MALRD1: variants seen among roughly 807,000 people sequenced by gnomAD.
MALRD1 encodes the protein MAM and LDL receptor class A domain containing 1, also known as MAM and LDL-receptor class A domain-containing protein 1.
MALRD1 carries 247 observed loss-of-function variants against 242.1 expected under a neutral mutation model. That is an observed-to-expected ratio of 1.02 (90% CI 0.92 to 1.13). MALRD1 has a LOEUF of 1.13. Among genes scored for constraint, MALRD1 ranks in the 50% most tolerant of loss-of-function variants. The pLI is 0.00. For missense variants in MALRD1, 2,989 were observed against 2,533.1 expected (o/e 1.18, Z -3.86); for synonymous variants, 995 against 866.6 (o/e 1.15, Z -2.60).
chr10:19,698,208 A>C (rs1833462163), intron 38 of MALRD1, among the ~76,000 whole-genome samples: 1 of 152,234 alleles, frequency 6.6e-6, no homozygotes, highest in African/African-American at 2.4e-5. Context: ...AATAAAGGGT[A>C]CCATGATCAT....
intron 17 of MALRD1, 67 bp from the exon 18 acceptor site, chr10:19,209,201 A>G: frequency 7.6e-7 from 1 of 1,321,236 alleles, no homozygotes. Flanking sequence ...AATATTAATA[A>G]ATAGAATGTG....
chr10:19,520,588 T>A (rs910182734), intron 31 of MALRD1, among the ~76,000 whole-genome samples: 1 of 152,226 alleles, frequency 6.6e-6, no homozygotes, highest in African/African-American at 2.4e-5. Context: ...CTTAAAAGTT[T>A]TCTGTGAAAA....
chr10:19,218,201 T>A (rs1837406802), intron 18 of MALRD1, among the ~76,000 whole-genome samples: 1 of 152,176 alleles, frequency 6.6e-6, no homozygotes, highest in Admixed American at 6.5e-5. Context: ...TAATTTTCTC[T>A]GTTTTGGCTT....
chr10:19,718,204 GGAAGAA>G (rs928490482), intron 38 of MALRD1, among the ~76,000 whole-genome samples: 7 of 151,212 alleles, frequency 4.6e-5, no homozygotes, highest in African/African-American at 1.7e-4. Flanking sequence ...AAGAAGAAGA[GGAAGAA>G]GAAGAAGAAG....
At chr10:19,081,137 AG>A (rs1835478131) in intron 2 of MALRD1, among the ~76,000 whole-genome samples, 1 of 152,188 alleles carries the variant, frequency 6.6e-6, no homozygotes, top group African/African-American at 2.4e-5. Flanking sequence ...CAGGATGCAG[AG>A]AAAAAGGAAT....
intron 5 of MALRD1, among the ~76,000 whole-genome samples, chr10:19,116,528 A>G (rs1836875689): frequency 6.6e-6 from 1 of 152,160 alleles, no homozygotes; most frequent in African/African-American, 2.4e-5. Context: ...TGGAGTAAAA[A>G]CTGGATGTCA....
intron 36 of MALRD1, among the ~76,000 whole-genome samples, chr10:19,690,640 C>G (rs928895840): frequency 2.0e-5 from 3 of 151,746 alleles, no homozygotes; most frequent in Admixed American, 6.6e-5. Context: ...GTAAAATTAA[C>G]ATAAGAATTA....
chr10:19,190,529 C>T (rs1435987085), intron 14 of MALRD1, among the ~76,000 whole-genome samples: 2 of 151,898 alleles, frequency 1.3e-5, no homozygotes, highest in Non-Finnish European at 2.9e-5. Flanking sequence ...ACACACACAC[C>T]CTGATTTCAA....
intron 36 of MALRD1, among the ~76,000 whole-genome samples, chr10:19,672,305 C>A (rs1286344874): frequency 6.6e-6 from 1 of 150,966 alleles, no homozygotes; most frequent in African/African-American, 2.4e-5. Context: ...ACTACCAGCT[C>A]TTTAGACTCT....
At chr10:19,651,826 A>C (rs556153090) in intron 36 of MALRD1, among the ~76,000 whole-genome samples, 2 of 152,342 alleles carry the variant, frequency 1.3e-5, no homozygotes, top group South Asian at 4.1e-4. Context: ...TCTTAGTTAC[A>C]AGCAACAGAA....
chr10:19,530,440 TATATA>T (rs1834350233), intron 31 of MALRD1, among the ~76,000 whole-genome samples: 1 of 49,524 alleles, frequency 2.0e-5, no homozygotes, highest in Non-Finnish European at 6.6e-5. Flanking sequence ...ATATATATAA[TATATA>T]ATATATAATA....
chr10:19,150,889 T>A (rs1447701006), intron 11 of MALRD1, among the ~76,000 whole-genome samples: 1 of 152,198 alleles, frequency 6.6e-6, no homozygotes, highest in Non-Finnish European at 1.5e-5. Flanking sequence ...GTTTCAAATT[T>A]ATTCTTGTAC....
chr10:19,676,444 T>C (rs555424711), intron 36 of MALRD1, among the ~76,000 whole-genome samples: 1 of 152,274 alleles, frequency 6.6e-6, no homozygotes, highest in African/African-American at 2.4e-5. Context: ...ATATGAGAAT[T>C]TGGACATATT....
At chr10:19,259,536 C>T (rs1839656396) in intron 19 of MALRD1, among the ~76,000 whole-genome samples, 2 of 152,100 alleles carry the variant, frequency 1.3e-5, no homozygotes, top group African/African-American at 2.4e-5. Flanking sequence ...ACTATCAAAT[C>T]TTGTAAGACT....
intron 31 of MALRD1, among the ~76,000 whole-genome samples, chr10:19,505,357 T>G (rs1219855429): frequency 1.3e-5 from 2 of 152,086 alleles, no homozygotes; most frequent in Non-Finnish European, 2.9e-5. Context: ...TAATGTTAAA[T>G]GGGGTCATAA....
At chr10:19,282,843 C>T (rs891379019) in intron 20 of MALRD1, among the ~76,000 whole-genome samples, 176 bp from the exon 21 acceptor site, 3 of 152,050 alleles carry the variant, frequency 2.0e-5, no homozygotes, top group African/African-American at 7.2e-5. Flanking sequence ...CTAGAATAAA[C>T]CTAGATTTCT....
chr10:19,244,469 C>A (rs1271467946), intron 18 of MALRD1, among the ~76,000 whole-genome samples: 1 of 151,886 alleles, frequency 6.6e-6, no homozygotes, highest in Non-Finnish European at 1.5e-5. Context: ...TACTCCAAGG[C>A]TGAGGTGGGA....
chr10:19,647,983 G>T (rs1840722658), intron 36 of MALRD1, among the ~76,000 whole-genome samples: 1 of 152,096 alleles, frequency 6.6e-6, no homozygotes, highest in African/African-American at 2.4e-5. Flanking sequence ...TTGTGGCACA[G>T]AATGTAAGTG....
At chr10:19,290,538 T>C (rs1841367890) in intron 21 of MALRD1, 1 of 152,188 alleles carries the variant, frequency 6.6e-6, no homozygotes, top group African/African-American at 2.4e-5. Context: ...TACATGTTTT[T>C]TTGAGATTGG....
Sources: gnomAD v4.1 joint callset for allele counts (sites outside exome capture counted in the v4.1 genomes callset) on GRCh38, gnomAD v4.1.1 for gene constraint, MANE v1.5 for transcripts, NCBI Gene and HGNC (gene_info 2026-07-23, HGNC 2026-07-21) for gene names.